Variants in ADAM12 observed in about 807,000 individuals in gnomAD.
The protein encoded by ADAM12 is ADAM metallopeptidase domain 12.
ADAM12 carries 70 observed loss-of-function variants against 106.4 expected under a neutral mutation model. That is an observed-to-expected ratio of 0.66 (90% CI 0.54 to 0.80). ADAM12 has a LOEUF of 0.80. ADAM12 is among the 30% of genes least tolerant of loss of function. The pLI, the probability that ADAM12 is intolerant of heterozygous loss-of-function variation, is 0.00. For synonymous variants in ADAM12, 420 were observed against 433.5 expected (o/e 0.97, Z 0.39); for missense variants, 1,010 against 1,171.9 (o/e 0.86, Z 2.02).
chr10:126,334,954 G>A (rs770636102), intron 1 of ADAM12, among the ~76,000 whole-genome samples: 37 of 152,160 alleles, frequency 2.4e-4, no homozygotes, highest in Admixed American at 2.2e-3. Context: ...AGGCTCTACC[G>A]TCTACAAAAT....
intron 3 of ADAM12, among the ~76,000 whole-genome samples, chr10:126,198,747 A>G (rs1042657843): frequency 2.6e-5 from 4 of 152,110 alleles, no homozygotes; most frequent in Admixed American, 2.0e-4. Context: ...CTGTGCTTAA[A>G]CCTGACAATA....
intron 18 of ADAM12, chr10:126,041,685 G>A: frequency 3.0e-6 from 3 of 1,001,276 alleles, no homozygotes; most frequent in East Asian, 1.1e-4. Context: ...CCATATCAGA[G>A]CATTAAGTTG....
intron 14 of ADAM12, among the ~76,000 whole-genome samples, chr10:126,061,587 G>C (rs1247657669): frequency 1.3e-5 from 2 of 152,168 alleles, no homozygotes; most frequent in Non-Finnish European, 2.9e-5. Flanking sequence ...GGAATCAAAA[G>C]GGTCCTTATA....
chr10:126,301,796 C>G (rs1960636747), intron 2 of ADAM12, among the ~76,000 whole-genome samples: 1 of 152,188 alleles, frequency 6.6e-6, no homozygotes, highest in Admixed American at 6.5e-5. Flanking sequence ...CTACTCTCTT[C>G]CCATCCAGAT....
intron 11 of ADAM12, among the ~76,000 whole-genome samples, chr10:126,072,320 G>C (rs576030062): frequency 1.3e-5 from 2 of 152,280 alleles, no homozygotes; most frequent in South Asian, 4.2e-4. Flanking sequence ...CAACTCCCCA[G>C]CAAAGTTATG....
intron 18 of ADAM12, chr10:126,042,143 T>C (rs1417372975): frequency 6.2e-7 from 1 of 1,613,674 alleles, no homozygotes; most frequent in East Asian, 2.2e-5. Flanking sequence ...CAGATGAGTG[T>C]CAGTGAGGCA....
chr10:126,264,163 A>G (rs1387885677), intron 3 of ADAM12, among the ~76,000 whole-genome samples: 1 of 152,232 alleles, frequency 6.6e-6, no homozygotes, highest in Non-Finnish European at 1.5e-5. Context: ...CGAAAACCAC[A>G]TGTAAAAACC....
In ADAM12 at chr10:126,273,209, T is replaced by C. The variant is rs551723083; in HGVS notation, c.260+5706A>G. ...AGAATATCCCATGTGCCAGTCCTTA[T>C]CTTGATTAGCAAACATTGGACAGAA... is the stretch of plus-strand genomic sequence containing the variant. On this transcript the variant is annotated intron_variant, in intron 3 of 22. Transcript: ENST00000448723. 2.0e-5 allele frequency: 3 copies of C among 153,564 alleles called. No individual in the cohort carries two copies. The Admixed American group carries it at 2.0e-4, about 10-fold the overall frequency. 9.5% of individuals were successfully genotyped at this position (153,564 alleles called of 1,614,324 possible). A position where few individuals can be genotyped will look rare whatever the true frequency, so the allele number is the denominator to read the frequency against.
chr10:126,375,251 TAAA>T (rs796088323), intron 1 of ADAM12, among the ~76,000 whole-genome samples: 2 of 136,996 alleles, frequency 1.5e-5, no homozygotes, highest in Admixed American at 7.4e-5. Flanking sequence ...AAGCCATGGT[TAAA>T]AAAAAAAAAA....
chr10:126,163,810 AC>A (rs1305966563), intron 3 of ADAM12, among the ~76,000 whole-genome samples: 1 of 152,200 alleles, frequency 6.6e-6, no homozygotes, highest in African/African-American at 2.4e-5. Context: ...CAGAAACAAC[AC>A]CTCTAAACCT....
At chr10:126,287,909 G>C (rs1333873056) in intron 2 of ADAM12, among the ~76,000 whole-genome samples, 1 of 152,078 alleles carries the variant, frequency 6.6e-6, no homozygotes, top group African/African-American at 2.4e-5. Context: ...GAATTTGTCA[G>C]CGTGCTCCAC....
Position 126,156,757 on chromosome 10 carries a change from G to A in ADAM12, c.261-1452C>T, listed in dbSNP as rs532210654. ...GGGCCCTAACGATGGAGCAGGAGTC[G>A]GCCAGGCCCAGGACAGGGTGGAAGG... On this transcript the variant is annotated intron_variant, in intron 3 of 22. Coordinates refer to ENST00000448723, the MANE Select transcript of ADAM12 (RefSeq NM_001288973.2). 9.2e-5 allele frequency among the ~76,000 whole-genome samples: 14 copies of A among 152,290 alleles called. No homozygotes were observed. The South Asian group carries it at 1.7e-3, about 18-fold the overall frequency.
chr10:126,046,750 C>T (rs1954332416), intron 16 of ADAM12, among the ~76,000 whole-genome samples: 1 of 144,454 alleles, frequency 6.9e-6, no homozygotes, highest in Non-Finnish European at 1.5e-5. Flanking sequence ...TTGCAGTGAG[C>T]CGAGATCATG....
intron 3 of ADAM12, among the ~76,000 whole-genome samples, chr10:126,158,097 A>T (rs1383153268): frequency 1.3e-5 from 2 of 152,200 alleles, no homozygotes; most frequent in Non-Finnish European, 2.9e-5. Context: ...TGAAAACCAG[A>T]GACGGGGACT....
Position 126,184,990 on chromosome 10 carries a change from C to G in ADAM12, c.261-29685G>C, listed in dbSNP as rs147839573. On this transcript the variant is annotated intron_variant, in intron 3 of 22. Coordinates refer to ENST00000448723, the MANE Select transcript of ADAM12 (RefSeq NM_001288973.2). ...TTTAGAGACCAAGCCAACATGGCAC[C>G]CTGACCGTGATCTCTTATTGGATTA... Among the ~76,000 whole-genome samples, 4 of 152,294 alleles carry G rather than the reference C, an allele frequency of 2.6e-5. No individual in the cohort carries two copies. The East Asian group carries it at 7.7e-4, about 29-fold the overall frequency.
intron 5 of ADAM12, among the ~76,000 whole-genome samples, chr10:126,127,150 T>C (rs1308010729): frequency 4.6e-5 from 7 of 152,132 alleles, no homozygotes; most frequent in African/African-American, 1.7e-4. Flanking sequence ...CACAGGAGTT[T>C]ACCCGGATGT....
At chr10:126,051,799 A>G (rs551796011) in intron 14 of ADAM12, among the ~76,000 whole-genome samples, 1 of 152,356 alleles carries the variant, frequency 6.6e-6, no homozygotes, top group Non-Finnish European at 1.5e-5. Flanking sequence ...TGCTTGCTTG[A>G]AAATTGCAAG....
At chr10:126,251,468 T>C (rs1265541618) in intron 3 of ADAM12, among the ~76,000 whole-genome samples, 1 of 25,400 alleles carries the variant, frequency 3.9e-5, no homozygotes, top group Non-Finnish European at 9.4e-5. Context: ...ATGGATGGGA[T>C]GGATGGGATG....
intron 1 of ADAM12, among the ~76,000 whole-genome samples, chr10:126,363,607 T>C (rs1161082316): frequency 6.6e-6 from 1 of 152,138 alleles, no homozygotes; most frequent in Admixed American, 6.6e-5. Flanking sequence ...ATGCTTGAAA[T>C]GGGCTTGTGT....
Sources: gnomAD v4.1 joint callset for allele counts (sites outside exome capture counted in the v4.1 genomes callset) on GRCh38, gnomAD v4.1.1 for gene constraint, MANE v1.5 for transcripts, NCBI Gene and HGNC (gene_info 2026-07-23, HGNC 2026-07-21) for gene names.